The following GCNT1 variants were observed in gnomAD, a reference collection of about 807,000 sequenced individuals.
GCNT1 encodes the protein glucosaminyl (N-acetyl) transferase 1, also known as beta-1,3-galactosyl-O-glycosyl-glycoprotein beta-1,6-N-acetylglucosaminyltransferase.
GCNT1 carries 16 observed loss-of-function variants against 26.2 expected under a neutral mutation model. The observed-to-expected ratio is 0.61, with a 90% CI of 0.41 to 0.93. The LOEUF (loss-of-function observed/expected upper bound fraction) is 0.93. Among genes scored for constraint, GCNT1 ranks in the 40% least tolerant of loss-of-function variants. The pLI, the probability that GCNT1 is intolerant of heterozygous loss-of-function variation, is 0.00. For missense variants in GCNT1, 477 were observed against 526.7 expected (o/e 0.91, Z 0.92); for synonymous variants, 183 against 190.8 (o/e 0.96, Z 0.34).
chr9:76,413,889 G>A, the GCNT1 span, among the ~76,000 whole-genome samples: 1 of 151,250 alleles, frequency 6.6e-6, no homozygotes. Flanking sequence ...GGGTTTTTTT[G>A]TCCAGTCTTT....
chr9:76,462,752 A>G (rs1053814965), intron 2 of GCNT1, among the ~76,000 whole-genome samples: 9 of 152,192 alleles, frequency 5.9e-5, no homozygotes, highest in East Asian at 3.8e-4. Context: ...CACCTTTATC[A>G]TAAAGATAAC....
intron 1 of GCNT1, among the ~76,000 whole-genome samples, chr9:76,433,854 G>A (rs936434824): frequency 6.6e-6 from 1 of 152,220 alleles, no homozygotes; most frequent in African/African-American, 2.4e-5. Context: ...TCTAGTGGCT[G>A]TGACTTCAGC....
intron 2 of GCNT1, among the ~76,000 whole-genome samples, chr9:76,477,969 G>A (rs145462984): frequency 0.026 from 3,982 of 152,190 alleles, 174 homozygotes; most frequent in African/African-American, 0.09. Flanking sequence ...ACCGATCAGC[G>A]CTCTGTGTCT....
intron 1 of GCNT1, among the ~76,000 whole-genome samples, chr9:76,423,521 T>C (rs548974905): frequency 6.6e-6 from 1 of 152,324 alleles, no homozygotes; most frequent in East Asian, 1.9e-4. Context: ...TTATCCAGTC[T>C]CATGGATTCT....
intron 2 of GCNT1, among the ~76,000 whole-genome samples, chr9:76,484,369 TAA>T (rs538164343): frequency 2.3e-4 from 32 of 139,608 alleles, no homozygotes; most frequent in Admixed American, 3.6e-4. Context: ...GACCCTGTCT[TAA>T]AAAAAAAAAA....
chr9:76,499,935 T>C (rs1465263409), intron 2 of GCNT1, among the ~76,000 whole-genome samples: 2 of 152,234 alleles, frequency 1.3e-5, no homozygotes, highest in Non-Finnish European at 2.9e-5. Context: ...TATTTCTTTA[T>C]TGAAATTTTC....
intron 2 of GCNT1, among the ~76,000 whole-genome samples, chr9:76,486,148 C>G (rs1021771108): frequency 1.5e-4 from 23 of 152,204 alleles, no homozygotes; most frequent in Non-Finnish European, 1.0e-4. Context: ...GCTATTTAAC[C>G]TCTTTATGCC....
At chr9:76,499,493 AGTT>A (rs1825005258) in intron 2 of GCNT1, among the ~76,000 whole-genome samples, 1 of 152,116 alleles carries the variant, frequency 6.6e-6, no homozygotes, top group Non-Finnish European at 1.5e-5. Context: ...GTTTATTTGA[AGTT>A]GTTAATCATT....
intron 2 of GCNT1, among the ~76,000 whole-genome samples, chr9:76,470,705 G>GTATA (rs1312846454): frequency 6.6e-6 from 1 of 150,900 alleles, no homozygotes; most frequent in South Asian, 2.1e-4. Context: ...ATTCCATAAT[G>GTATA]TATACATCTA....
intron 2 of GCNT1, among the ~76,000 whole-genome samples, chr9:76,473,422 C>G (rs1824183607): frequency 6.6e-6 from 1 of 152,096 alleles, no homozygotes; most frequent in Non-Finnish European, 1.5e-5. Flanking sequence ...TATGGATTTT[C>G]ATTTTTGAAG....
At chr9:76,429,271 C>A (rs1386493634) in intron 1 of GCNT1, among the ~76,000 whole-genome samples, 1 of 152,076 alleles carries the variant, frequency 6.6e-6, no homozygotes, top group Non-Finnish European at 1.5e-5. Context: ...CATGAGCATT[C>A]TTGTACCTAT....
chr9:76,413,662 T>TG, the GCNT1 span, among the ~76,000 whole-genome samples: 487 of 114,520 alleles, frequency 4.3e-3, 1 homozygote, highest in African/African-American at 0.01. Context: ...TGTTTTTTTT[T>TG]TTTTTGTTTT....
intron 2 of GCNT1, among the ~76,000 whole-genome samples, chr9:76,468,784 G>A (rs1340836222): frequency 6.6e-6 from 1 of 152,146 alleles, no homozygotes. Context: ...TAAATGTGAG[G>A]TTCTTACAGT....
intron 1 of GCNT1, among the ~76,000 whole-genome samples, chr9:76,428,874 A>G (rs546598910): frequency 1.3e-5 from 2 of 151,846 alleles, no homozygotes; most frequent in East Asian, 3.9e-4. Context: ...CTAATTTTGT[A>G]TTTTTAGTAG....
intron 1 of GCNT1, among the ~76,000 whole-genome samples, chr9:76,433,791 T>C (rs1436036914): frequency 6.6e-6 from 1 of 152,126 alleles, no homozygotes; most frequent in Non-Finnish European, 1.5e-5. Flanking sequence ...CAGTACCAGA[T>C]AGTAGGATGT....
chr9:76,394,479 C>G, the GCNT1 span: 1 of 279,074 alleles, frequency 3.6e-6, no homozygotes, highest in African/African-American at 2.2e-5. Context: ...CAGAGCCGGC[C>G]TCCGCGCCGC....
At chr9:76,435,590 T>G (rs529388570) in intron 1 of GCNT1, among the ~76,000 whole-genome samples, 1 of 152,226 alleles carries the variant, frequency 6.6e-6, no homozygotes, top group Non-Finnish European at 1.5e-5. Context: ...ATCTTCTCAC[T>G]GTGTCTGTCC....
At chr9:76,499,731 A>G (rs1288939264) in intron 2 of GCNT1, among the ~76,000 whole-genome samples, 1 of 152,174 alleles carries the variant, frequency 6.6e-6, no homozygotes, top group East Asian at 1.9e-4. Context: ...AAGTACAGAG[A>G]GTTTCCATTT....
At chr9:76,489,355 C>T (rs1400748904) in intron 2 of GCNT1, among the ~76,000 whole-genome samples, 1 of 152,172 alleles carries the variant, frequency 6.6e-6, no homozygotes, top group Admixed American at 6.5e-5. Flanking sequence ...AGCCGCAGAC[C>T]TTTGCAGTGA....
Sources: gnomAD v4.1 joint callset for allele counts (sites outside exome capture counted in the v4.1 genomes callset) on GRCh38, gnomAD v4.1.1 for gene constraint, MANE v1.5 for transcripts, NCBI Gene and HGNC (gene_info 2026-07-23, HGNC 2026-07-21) for gene names.